Variants in PGBD5 observed in about 807,000 individuals in gnomAD.
The protein encoded by PGBD5 is piggyBac transposable element derived 5.
A neutral mutation model predicts 47.9 loss-of-function variants in PGBD5; 14 were observed. That is an observed-to-expected ratio of 0.29 (90% CI 0.19 to 0.46). PGBD5 has a LOEUF of 0.46. PGBD5 is among the 20% of genes least tolerant of loss of function. The pLI, the probability that PGBD5 is intolerant of heterozygous loss-of-function variation, is 1.00. For missense variants in PGBD5, 635 were observed against 716.0 expected, an observed-to-expected ratio of 0.89 and a Z score of 1.29; for synonymous variants, 316 against 306.3, an observed-to-expected ratio of 1.03 and a Z score of -0.33.
chr1:230,422,159 T>G (rs1657662888), intron 1 of PGBD5, among the ~76,000 whole-genome samples: 1 of 151,932 alleles, frequency 6.6e-6, no homozygotes, highest in Non-Finnish European at 1.5e-5. Context: ...CTATGAAGTC[T>G]AACCTCTAAT....
rs565158523 is a variant in PGBD5, at chr1:230,384,200, C to T, written c.332-26879G>A. On this transcript the variant is annotated intron_variant, in intron 1 of 6. Transcript: ENST00000391860. Reference sequence around the variant, plus strand: ...GGTTACATTTAAAAGTACTACTGAACGTCATGTTAACAAAAACAACAAACA... The same window carrying T: ...GGTTACATTTAAAAGTACTACTGAATGTCATGTTAACAAAAACAACAAACA... 2.0e-5 allele frequency among the ~76,000 whole-genome samples: 3 copies of T among 152,212 alleles called. No homozygotes were observed. In the East Asian group the frequency reaches 5.8e-4, roughly 29 times the overall value.
At chr1:230,392,427 GC>G (rs1209779887) in intron 1 of PGBD5, among the ~76,000 whole-genome samples, 10 of 152,334 alleles carry the variant, frequency 6.6e-5, no homozygotes, top group African/African-American at 2.4e-4. Context: ...TGACAGGCCT[GC>G]TTGACAGGAA....
chr1:230,378,943 A>G (rs902363001), intron 1 of PGBD5, among the ~76,000 whole-genome samples: 3 of 152,166 alleles, frequency 2.0e-5, no homozygotes, highest in African/African-American at 7.2e-5. Flanking sequence ...AGGTGAAAGG[A>G]GCTGATGGCC....
chr1:230,357,181 C>A lies in PGBD5; in HGVS notation c.472G>T (p.Ala158Ser). The part of the protein sequence containing the change: ...KFQERFGSDG[A>S]WVEVTLTEMK... ...TCCGTCAGCGTCACCTCCACCCAGG[C>A]TCCGTCGCTCCCAAACCGCTCCTGG... Residue 158 changes from alanine to serine, a missense_variant, in exon 2 of 7, where the codon GCC becomes TCC. Ala to Ser is a moderately conservative substitution (Grantham distance 99). Transcript: ENST00000391860. This position sits in a 1 kb window ranked among gnomAD's most constrained non-coding sequence, Gnocchi z 5.7. 6.2e-7 allele frequency: 1 copy of A among 1,614,160 alleles called. No homozygotes were observed. Among genetic ancestry groups the A allele is most frequent in the Non-Finnish European group, 8.5e-7 (1 of 1,180,022 alleles).
chr1:230,333,737 G>T (rs552151769), intron 4 of PGBD5, among the ~76,000 whole-genome samples: 1 of 152,248 alleles, frequency 6.6e-6, no homozygotes, highest in Non-Finnish European at 1.5e-5. Context: ...CCATGAGTGG[G>T]TGGAGAGCTT....
chr1:230,403,615 C>G (rs946708803), intron 1 of PGBD5, among the ~76,000 whole-genome samples: 1 of 152,244 alleles, frequency 6.6e-6, no homozygotes, highest in African/African-American at 2.4e-5. Flanking sequence ...GAGTGCTCCG[C>G]CTGGATTCCC....
At chr1:230,338,446 G>C (rs1325252670) in intron 3 of PGBD5, among the ~76,000 whole-genome samples, 2 of 152,228 alleles carry the variant, frequency 1.3e-5, no homozygotes, top group Non-Finnish European at 2.9e-5. Context: ...GCCAGGGACT[G>C]CGTTCAGCTC....
intron 1 of PGBD5, among the ~76,000 whole-genome samples, chr1:230,408,717 A>C (rs956698286): frequency 6.6e-6 from 1 of 152,196 alleles, no homozygotes; most frequent in African/African-American, 2.4e-5. Flanking sequence ...CTCAAAATAG[A>C]CCAAAGATGT....
At chr1:230,398,262 T>C (rs575597606) in intron 1 of PGBD5, among the ~76,000 whole-genome samples, 10 of 152,322 alleles carry the variant, frequency 6.6e-5, no homozygotes, top group African/African-American at 2.4e-4. Context: ...CAGAACTTTA[T>C]TATCTCACAG....
chr1:230,410,220 G>T (rs1448330472), intron 1 of PGBD5, among the ~76,000 whole-genome samples: 1 of 152,122 alleles, frequency 6.6e-6, no homozygotes, highest in Non-Finnish European at 1.5e-5. Flanking sequence ...ATAAAAGGTA[G>T]ACGTATGTGT....
At position 230,356,877 on chromosome 1, in the gene PGBD5, T is replaced by C; in HGVS notation, c.759+17A>G. ...GAGGACACCTGGACAAGCTCTTACGTCCTGCGTGGGCCTCACCTGGGTTTG... is the reference window on the plus strand; with the variant it reads ...GAGGACACCTGGACAAGCTCTTACGCCCTGCGTGGGCCTCACCTGGGTTTG... On this transcript the variant is annotated intron_variant, in intron 2 of 6. Coordinates refer to ENST00000391860, the MANE Select transcript of PGBD5 (RefSeq NM_001258311.2). The C allele has an allele frequency of 6.2e-7, 1 of 1,607,978 alleles. No homozygotes were observed. The highest frequency in any genetic ancestry group is 8.5e-7 in the Non-Finnish European group (1 of 1,175,954).
intron 3 of PGBD5, among the ~76,000 whole-genome samples, chr1:230,349,443 C>G (rs927087184): frequency 1.3e-5 from 2 of 149,472 alleles, no homozygotes. Flanking sequence ...GCTGAGGTGA[C>G]CAGATCACTT....
At chr1:230,350,885 T>G in intron 3 of PGBD5, 73 bp downstream of exon 3, 1 of 1,563,404 alleles carries the variant, frequency 6.4e-7, no homozygotes, top group Non-Finnish European at 8.6e-7. Context: ...GGGTATCAGA[T>G]GAGCCCAAGT....
chr1:230,383,243 A>C (rs946305079), intron 1 of PGBD5, among the ~76,000 whole-genome samples: 2 of 151,782 alleles, frequency 1.3e-5, no homozygotes, highest in South Asian at 2.1e-4. Flanking sequence ...CTAATTAAAA[A>C]AATTTTTTTT....
At chr1:230,343,850 T>A (rs1667441267) in intron 3 of PGBD5, among the ~76,000 whole-genome samples, 1 of 152,236 alleles carries the variant, frequency 6.6e-6, no homozygotes, top group Non-Finnish European at 1.5e-5. Flanking sequence ...AAATAGTATG[T>A]CTCAAAATAA....
At chr1:230,347,685 T>C (rs1465398569) in intron 3 of PGBD5, among the ~76,000 whole-genome samples, 2 of 151,978 alleles carry the variant, frequency 1.3e-5, no homozygotes, top group African/African-American at 2.4e-5. Context: ...TGTCTATGCA[T>C]AATTTGGGCT....
At chr1:230,399,068 G>T (rs1403116356) in intron 1 of PGBD5, among the ~76,000 whole-genome samples, 1 of 151,706 alleles carries the variant, frequency 6.6e-6, no homozygotes, top group Admixed American at 6.6e-5. Context: ...AGGGGGGGTG[G>T]CTAAGTGTCA....
intron 1 of PGBD5, among the ~76,000 whole-genome samples, chr1:230,374,333 C>T (rs979388905): frequency 3.9e-5 from 6 of 152,170 alleles, no homozygotes; most frequent in Non-Finnish European, 7.3e-5. Flanking sequence ...AGGAGAACTG[C>T]TTGAACCCGG....
intron 5 of PGBD5, among the ~76,000 whole-genome samples, chr1:230,325,912 C>T (rs1279141564): frequency 6.6e-6 from 1 of 151,982 alleles, no homozygotes; most frequent in Non-Finnish European, 1.5e-5. Flanking sequence ...CTCGTCACCC[C>T]ACACAGGGTG....
Sources: allele counts gnomAD v4.1 joint callset (sites outside exome capture counted in the v4.1 genomes callset), GRCh38; gene constraint gnomAD v4.1.1; non-coding constraint Gnocchi (gnomAD v3.1); transcripts MANE v1.5; gene names NCBI Gene and HGNC (gene_info 2026-07-23, HGNC 2026-07-21).